Variants in LRMDA observed in about 807,000 individuals in gnomAD.
LRMDA encodes leucine rich melanocyte differentiation associated, also known as leucine-rich melanocyte differentiation-associated protein.
In LRMDA, 18 loss-of-function variants were observed where a neutral mutation model predicts 29.8. The observed-to-expected ratio is 0.60, with a 90% CI of 0.42 to 0.90. The LOEUF (loss-of-function observed/expected upper bound fraction) is 0.90. Ranked by LOEUF, LRMDA falls within the 40% of genes least tolerant of loss-of-function variation. The probability of loss-of-function intolerance (pLI) is 0.00; values close to 1 mark genes in which losing one functional copy is unlikely to be tolerated. For missense variants in LRMDA, 273 were observed against 273.9 expected (o/e 1.00, Z 0.02); for synonymous variants, 125 against 109.4 (o/e 1.14, Z -0.89).
At chr10:76,124,097 G>C (rs1281684931) in intron 5 of LRMDA, among the ~76,000 whole-genome samples, 1 of 151,778 alleles carries the variant, frequency 6.6e-6, no homozygotes, top group Non-Finnish European at 1.5e-5. Context: ...CTCTCCCATC[G>C]TCTCTAGGCC....
chr10:76,204,195 CTAT>C (rs1445624653), intron 5 of LRMDA, among the ~76,000 whole-genome samples: 1 of 145,746 alleles, frequency 6.9e-6, no homozygotes, highest in East Asian at 2.2e-4. Flanking sequence ...CTACCCATCT[CTAT>C]TCCATGTGCC....
chr10:76,029,831 T>C (rs974767934), intron 2 of LRMDA, among the ~76,000 whole-genome samples: 1 of 152,240 alleles, frequency 6.6e-6, no homozygotes, highest in Non-Finnish European at 1.5e-5. Context: ...TTAGCCATCA[T>C]GTTGGGGTCT....
intron 2 of LRMDA, among the ~76,000 whole-genome samples, chr10:75,955,632 A>G (rs190090038): frequency 6.6e-6 from 1 of 152,352 alleles, no homozygotes; most frequent in Admixed American, 6.5e-5. Context: ...CATTAATGTA[A>G]CAAAAGAGCT....
At chr10:75,927,633 A>C (rs1464920462) in intron 2 of LRMDA, among the ~76,000 whole-genome samples, 1 of 152,236 alleles carries the variant, frequency 6.6e-6, no homozygotes, top group Non-Finnish European at 1.5e-5. Context: ...CACATTCCCC[A>C]AAATGAGACT....
chr10:75,541,152 A>G (rs569579571), intron 2 of LRMDA, among the ~76,000 whole-genome samples: 14 of 152,260 alleles, frequency 9.2e-5, no homozygotes, highest in African/African-American at 3.1e-4. Flanking sequence ...CCAGAGGCCA[A>G]CTGGGTCTTT....
At chr10:76,260,386 T>C (rs775371855) in intron 5 of LRMDA, among the ~76,000 whole-genome samples, 1 of 152,226 alleles carries the variant, frequency 6.6e-6, no homozygotes, top group African/African-American at 2.4e-5. Flanking sequence ...TGGTGATGAA[T>C]CCACTTAGTT....
At chr10:75,508,022 A>G (rs1845187573) in intron 2 of LRMDA, among the ~76,000 whole-genome samples, 1 of 152,204 alleles carries the variant, frequency 6.6e-6, no homozygotes, top group Non-Finnish European at 1.5e-5. Context: ...GCATTTTAAA[A>G]ACGTATAGGG....
At chr10:75,503,028 A>G (rs1299778146) in intron 2 of LRMDA, among the ~76,000 whole-genome samples, 1 of 152,208 alleles carries the variant, frequency 6.6e-6, no homozygotes, top group Admixed American at 6.5e-5. Context: ...CCTGAGACTC[A>G]AAACACTGAA....
intron 2 of LRMDA, among the ~76,000 whole-genome samples, chr10:75,841,807 C>G (rs1412894001): frequency 6.6e-6 from 1 of 152,156 alleles, no homozygotes; most frequent in Admixed American, 6.5e-5. Context: ...TGAGTGAGTG[C>G]TTGCTCCAGA....
chr10:76,034,621 C>T (rs1310398478), intron 2 of LRMDA, among the ~76,000 whole-genome samples: 1 of 152,190 alleles, frequency 6.6e-6, no homozygotes, highest in Non-Finnish European at 1.5e-5. Flanking sequence ...TTGGAGTCCT[C>T]TTGGCAGCGA....
At chr10:75,983,706 G>T (rs532810512) in intron 2 of LRMDA, among the ~76,000 whole-genome samples, 1 of 152,282 alleles carries the variant, frequency 6.6e-6, no homozygotes, top group South Asian at 2.1e-4. Context: ...CCAGGCTGGA[G>T]TGCAGTGGCA....
At chr10:76,252,319 A>T (rs1420882589) in intron 5 of LRMDA, among the ~76,000 whole-genome samples, 2 of 152,232 alleles carry the variant, frequency 1.3e-5, no homozygotes, top group African/African-American at 2.4e-5. Context: ...TGCAGATAAT[A>T]AATACTCTTT....
intron 5 of LRMDA, among the ~76,000 whole-genome samples, chr10:76,145,415 T>G (rs1350024069): frequency 2.0e-5 from 3 of 152,144 alleles, no homozygotes; most frequent in Non-Finnish European, 4.4e-5. Context: ...TGGTTTAGTC[T>G]TGGGAGGGTG....
At chr10:76,265,439 C>T (rs560533773) in intron 5 of LRMDA, among the ~76,000 whole-genome samples, 2 of 152,278 alleles carry the variant, frequency 1.3e-5, no homozygotes, top group South Asian at 4.1e-4. Context: ...TTCAGGTGCT[C>T]ACACTCAGCG....
intron 5 of LRMDA, among the ~76,000 whole-genome samples, chr10:76,302,264 A>G (rs777884942): frequency 6.6e-6 from 1 of 152,208 alleles, no homozygotes; most frequent in Non-Finnish European, 1.5e-5. Context: ...GGATGTGTTC[A>G]TGGGAAGAGA....
intron 5 of LRMDA, among the ~76,000 whole-genome samples, chr10:76,121,268 C>T (rs949235093): frequency 8.6e-5 from 13 of 151,874 alleles, no homozygotes; most frequent in South Asian, 6.2e-4. Flanking sequence ...TCCTCTAATT[C>T]GCCTAGATAA....
chr10:75,543,420 C>G (rs1192216041), intron 2 of LRMDA, among the ~76,000 whole-genome samples: 1 of 151,912 alleles, frequency 6.6e-6, no homozygotes, highest in East Asian at 1.9e-4. Flanking sequence ...TTTAGGATTT[C>G]TAATGGTGTT....
intron 6 of LRMDA, among the ~76,000 whole-genome samples, chr10:76,512,953 G>A (rs558294519): frequency 6.6e-6 from 1 of 152,250 alleles, no homozygotes; most frequent in South Asian, 2.1e-4. Flanking sequence ...CGTGATATAT[G>A]TTAAGGCAAC....
At chr10:75,759,417 T>C (rs898085861) in intron 2 of LRMDA, among the ~76,000 whole-genome samples, 2 of 152,228 alleles carry the variant, frequency 1.3e-5, no homozygotes, top group Non-Finnish European at 2.9e-5. Flanking sequence ...TGTTTCTCTC[T>C]GCTCTCTCTA....
Sources: allele counts gnomAD v4.1 joint callset (sites outside exome capture counted in the v4.1 genomes callset), GRCh38; gene constraint gnomAD v4.1.1; transcripts MANE v1.5; gene names NCBI Gene and HGNC (gene_info 2026-07-23, HGNC 2026-07-21).